The following LRBA variants were observed in gnomAD, a reference collection of about 807,000 sequenced individuals.
LRBA encodes LPS responsive beige-like anchor protein.
Under a neutral mutation model 330.0 loss-of-function variants are expected in LRBA, and 176 were observed. The observed-to-expected ratio is 0.53, with a 90% CI of 0.47 to 0.60. The LOEUF is 0.60. Ranked by LOEUF, LRBA falls within the 20% of genes least tolerant of loss-of-function variation. The probability of loss-of-function intolerance (pLI) is 0.00; values close to 1 mark genes in which losing one functional copy is unlikely to be tolerated. For synonymous variants in LRBA, 1,230 were observed against 1,193.0 expected (o/e 1.03, Z -0.64); for missense variants, 3,259 against 3,444.8 (o/e 0.95, Z 1.35).
In LRBA at chr4:150,928,961, T is replaced by C; in HGVS notation, c.321A>G (p.Gln107=). ...DLLEKCDITC[Q]AEVWSMFTAI... is the part of the protein sequence containing the mutation. ...CTGTAAACATGCTCCAGACTTCTGC[T>C]TGGCACGTAATGTCACATTTTTCCA... Residue 107 remains glutamine (Q), a synonymous_variant, in exon 3 of 57, where the codon CAA becomes CAG. Transcript: ENST00000651943. 6.2e-7 allele frequency: 1 copy of C among 1,613,982 alleles called. No homozygotes were observed. Among genetic ancestry groups the C allele is most frequent in the Non-Finnish European group, 8.5e-7 (1 of 1,179,934 alleles).
chr4:150,603,974 G>C (rs906898731), intron 37 of LRBA, among the ~76,000 whole-genome samples: 4 of 152,038 alleles, frequency 2.6e-5, no homozygotes, highest in African/African-American at 9.7e-5. Flanking sequence ...AAATGAATAA[G>C]AATTAAACAA....
intron 22 of LRBA, among the ~76,000 whole-genome samples, chr4:150,861,281 G>A (rs1751905412): frequency 1.3e-5 from 2 of 149,900 alleles, no homozygotes; most frequent in Middle Eastern, 6.9e-3. Context: ...GTGTGTGTGT[G>A]TGTGTGTGTG....
Position 150,325,862 on chromosome 4 carries a change from G to C in LRBA, c.7399C>G (p.Pro2467Ala). Residue 2467 changes from proline to alanine, a missense_variant, in exon 49 of 57, where the codon CCT becomes GCT. Physicochemically the swap from Pro to Ala is conservative, Grantham distance 27. Transcript: ENST00000651943. Reference sequence around the variant, plus strand: ...TGGGGCTCTATGAGTAGTTGAGAAGGAGTCTGTCCAAAACTTCGGATTTGA... The same window carrying C: ...TGGGGCTCTATGAGTAGTTGAGAAGCAGTCTGTCCAAAACTTCGGATTTGA... ...EAQIRSFGQT[P>A]SQLLIEPHPP... 1 of 1,613,512 alleles carries C rather than the reference G, an allele frequency of 6.2e-7. No individual in the cohort carries two copies. The highest frequency in any genetic ancestry group is 8.5e-7 in the Non-Finnish European group (1 of 1,179,678).
Position 150,921,267 on chromosome 4 carries a change from A to G in LRBA, c.576T>C (p.Ser192=). ...ACTTCTGAGGCATATGCTTTAACACAGACAGCAACTTCCCAGCATGTGGAG... is the reference window on the plus strand; with the variant it reads ...ACTTCTGAGGCATATGCTTTAACACGGACAGCAACTTCCCAGCATGTGGAG... ...RWPPHAGKLL[S]VLKHMPQKYG... is the part of the protein sequence containing the mutation. Residue 192 remains serine, a synonymous_variant, in exon 5 of 57, where the codon TCT becomes TCC. Coordinates refer to ENST00000651943, the MANE Select transcript of LRBA (RefSeq NM_001364905.1). 1 of 1,612,362 alleles carries G rather than the reference A, an allele frequency of 6.2e-7. No homozygotes were observed. The highest frequency in any genetic ancestry group is 8.5e-7 in the Non-Finnish European group (1 of 1,178,418).
At chr4:150,785,714 GA>G (rs926058820) in intron 34 of LRBA, among the ~76,000 whole-genome samples, 5 of 151,278 alleles carry the variant, frequency 3.3e-5, no homozygotes, top group Non-Finnish European at 7.4e-5. Flanking sequence ...TACTTGACCA[GA>G]AAAAAAAGGT....
At chr4:150,929,982 C>T (rs1367494802) in intron 2 of LRBA, among the ~76,000 whole-genome samples, 6 of 152,056 alleles carry the variant, frequency 3.9e-5, no homozygotes, top group Non-Finnish European at 7.4e-5. Flanking sequence ...AAACTGCATA[C>T]CCAAAAGGTA....
intron 2 of LRBA, among the ~76,000 whole-genome samples, chr4:151,010,380 CAAAAT>C (rs1346307493): frequency 1.1e-4 from 17 of 152,144 alleles, no homozygotes; most frequent in African/African-American, 2.9e-4. Context: ...CAGATGAAAA[CAAAAT>C]AAAATGTTTT....
At position 150,879,886 on chromosome 4, in the gene LRBA, A is replaced by T. The variant is rs139747779; in HGVS notation, c.2166-7131T>A. On this transcript the variant is annotated intron_variant, in intron 17 of 56. Transcript: ENST00000651943. ...ATGTGATTTTTCACAGAACTAGAAA[A>T]AAACTATACTAAAATACATACGGAA... Among the ~76,000 whole-genome samples the T allele has an allele frequency of 3.9e-5, 6 of 152,336 alleles. No individual in the cohort carries two copies. In the East Asian group the frequency reaches 1.2e-3, roughly 29 times the overall value.
intron 37 of LRBA, among the ~76,000 whole-genome samples, chr4:150,621,931 A>G (rs1444208817): frequency 6.6e-6 from 1 of 152,350 alleles, no homozygotes; most frequent in East Asian, 1.9e-4. Flanking sequence ...ACTTCCCTAC[A>G]TGGAAACCAA....
intron 40 of LRBA, among the ~76,000 whole-genome samples, chr4:150,533,759 G>T (rs1764304823): frequency 6.6e-6 from 1 of 152,106 alleles, no homozygotes; most frequent in Non-Finnish European, 1.5e-5. Context: ...CAACTCATCG[G>T]GCTTCCTTCC....
chr4:150,489,427 CATATAA>C (rs2152099732), intron 41 of LRBA, among the ~76,000 whole-genome samples: 1 of 38,546 alleles, frequency 2.6e-5, no homozygotes, highest in South Asian at 8.8e-4. Context: ...AAATATATTA[CATATAA>C]GAATATATAA....
intron 52 of LRBA, among the ~76,000 whole-genome samples, chr4:150,309,343 A>G (rs1730765819): frequency 6.6e-6 from 1 of 152,104 alleles, no homozygotes; most frequent in Non-Finnish European, 1.5e-5. Context: ...AGTTTGTGTA[A>G]GTATACTCTA....
In LRBA at chr4:150,697,325, G is replaced by GAAAGAAAAAA. The variant is rs373474421; in HGVS notation, c.5755-13609_5755-13608insTTTTTTCTTT. ...GGTGACAGAGTGAGACTTTGTCTCA[G>GAAAGAAAAAA]AAAAAAAAAAAAAAAAAAAAAAAAA... On this transcript the variant is annotated intron_variant, in intron 36 of 56. Transcript: ENST00000651943. 3.2e-4 allele frequency among the ~76,000 whole-genome samples: 9 copies of GAAAGAAAAAA among 28,054 alleles called. 2 individuals carry two copies. Among genetic ancestry groups the GAAAGAAAAAA allele is most frequent in the African/African-American group, 1.1e-3 (8 of 7,602 alleles). 18.4% of individuals were successfully genotyped at this position (28,054 alleles called of 152,430 possible).
chr4:150,322,961 G>A (rs528448658), intron 49 of LRBA, among the ~76,000 whole-genome samples: 3 of 145,236 alleles, frequency 2.1e-5, no homozygotes, highest in African/African-American at 7.6e-5. Context: ...GCAGCACGAG[G>A]TGGCTTTAAT....
intron 40 of LRBA, among the ~76,000 whole-genome samples, chr4:150,564,299 T>A (rs566592594): frequency 7.9e-5 from 12 of 152,302 alleles, no homozygotes; most frequent in Admixed American, 3.9e-4. Context: ...GGATTCCCTA[T>A]TTAATAAATG....
intron 37 of LRBA, among the ~76,000 whole-genome samples, chr4:150,678,129 T>C (rs72736387): frequency 9.8e-4 from 148 of 151,652 alleles, no homozygotes; most frequent in Non-Finnish European, 1.5e-3. Context: ...TAATCCCAGC[T>C]ACTTCAAAGG....
At chr4:150,564,572 A>C (rs1225104332) in intron 40 of LRBA, among the ~76,000 whole-genome samples, 1 of 152,208 alleles carries the variant, frequency 6.6e-6, no homozygotes, top group Admixed American at 6.5e-5. Context: ...TGCACAGCAA[A>C]AGAAACTACC....
At chr4:150,873,096 T>C (rs564580852) in intron 17 of LRBA, among the ~76,000 whole-genome samples, 15 of 152,314 alleles carry the variant, frequency 9.8e-5, no homozygotes, top group Non-Finnish European at 1.3e-4. Flanking sequence ...TTTAAGTCAG[T>C]AGAAAGAAAG....
At chr4:150,565,955 C>T (rs905789638) in intron 40 of LRBA, among the ~76,000 whole-genome samples, 3 of 151,698 alleles carry the variant, frequency 2.0e-5, no homozygotes, top group African/African-American at 7.3e-5. Flanking sequence ...AGGCCAAGCC[C>T]AGTGGCTCAC....
Sources: gnomAD v4.1 joint callset for allele counts (sites outside exome capture counted in the v4.1 genomes callset) on GRCh38, gnomAD v4.1.1 for gene constraint, MANE v1.5 for transcripts, NCBI Gene and HGNC (gene_info 2026-07-23, HGNC 2026-07-21) for gene names.